Variants in KIAA1549L observed in about 807,000 individuals in gnomAD.
KIAA1549L encodes UPF0606 protein KIAA1549L.
A neutral mutation model predicts 160.7 loss-of-function variants in KIAA1549L; 88 were observed. The ratio of observed to expected loss-of-function variants is 0.55; its 90% CI spans 0.46 to 0.65. KIAA1549L has a LOEUF of 0.65. Ranked by LOEUF, KIAA1549L falls within the 30% of genes least tolerant of loss-of-function variation. KIAA1549L has a pLI of 0.00. For missense variants in KIAA1549L, 2,258 were observed against 2,437.5 expected, an observed-to-expected ratio of 0.93 and a Z score of 1.55; for synonymous variants, 950 against 976.7, an observed-to-expected ratio of 0.97 and a Z score of 0.51.
At chr11:33,407,133 G>A (rs932971062) in intron 1 of KIAA1549L, among the ~76,000 whole-genome samples, 2 of 132,480 alleles carry the variant, frequency 1.5e-5, no homozygotes, top group African/African-American at 2.8e-5. Context: ...CGTCCAGGCT[G>A]GAGTGCAGTG....
rs1013338820 is a variant in KIAA1549L at position 33,419,899 on chromosome 11, TACATAC to T, written c.238+43012_238+43017del. Among the ~76,000 whole-genome samples the T allele has an allele frequency of 3.8e-3, 358 of 94,424 alleles. 3 individuals carry two copies. In the Middle Eastern group the frequency reaches 0.049, roughly 13 times the overall value. 61.9% of individuals were successfully genotyped at this position (94,424 alleles called of 152,430 possible). Reference sequence around the variant, plus strand: ...ATACATACATACATACATACATACATACATACATATATATATATGAATAGCTTTATT... The same window carrying T: ...ATACATACATACATACATACATACATATATATATATATGAATAGCTTTATT... On this transcript the variant is annotated intron_variant, in intron 1 of 20. Coordinates refer to ENST00000658780, the MANE Select transcript of KIAA1549L (RefSeq NM_012194.3).
At chr11:33,384,826 A>G (rs998316335) in intron 1 of KIAA1549L, among the ~76,000 whole-genome samples, 1 of 151,786 alleles carries the variant, frequency 6.6e-6, no homozygotes, top group East Asian at 1.9e-4. Context: ...CTGAGTTTTG[A>G]GCTTTTCTTT....
intron 1 of KIAA1549L, among the ~76,000 whole-genome samples, chr11:33,428,708 C>T (rs373093688): frequency 6.7e-4 from 102 of 152,226 alleles, no homozygotes; most frequent in African/African-American, 2.4e-3. Flanking sequence ...CATTTATGGA[C>T]GTTTGAGTTG....
intron 1 of KIAA1549L, among the ~76,000 whole-genome samples, chr11:33,503,420 T>C (rs918691948): frequency 1.3e-5 from 2 of 152,204 alleles, no homozygotes; most frequent in African/African-American, 4.8e-5. Flanking sequence ...TTGGTGAACA[T>C]GTGTAGTCAT....
intron 15 of KIAA1549L, among the ~76,000 whole-genome samples, chr11:33,612,381 C>G (rs1045082631): frequency 1.3e-5 from 2 of 152,196 alleles, no homozygotes; most frequent in African/African-American, 4.8e-5. Context: ...GAATCATGCT[C>G]TAGTCCAGAG....
chr11:33,565,018 C>T (rs1264197500), intron 8 of KIAA1549L, among the ~76,000 whole-genome samples: 2 of 152,132 alleles, frequency 1.3e-5, no homozygotes, highest in Non-Finnish European at 2.9e-5. Context: ...TGGGGACGTG[C>T]CCAGCTCCTC....
Position 33,543,118 on chromosome 11 carries a change from C to T in KIAA1549L, c.1555C>T (p.Pro519Ser), listed in dbSNP as rs1247379776. ...QPTENHASPS[P>S]VPEMPTLPAE... is the part of the protein sequence containing the mutation. ...CACAGAGAATCATGCCTCCCCATCT[C>T]CTGTGCCAGAAATGCCCACTCTTCC... Residue 519 changes from proline (P) to serine (S), a missense_variant, in exon 2 of 21, where the codon CCT (proline) becomes TCT (serine). Coordinates refer to ENST00000658780, the MANE Select transcript of KIAA1549L (RefSeq NM_012194.3). 1.2e-6 allele frequency: 2 copies of T among 1,613,820 alleles called. No individual in the cohort carries two copies. Among genetic ancestry groups the T allele is most frequent in the Non-Finnish European group, 1.7e-6 (2 of 1,179,914 alleles).
chr11:33,497,802 A>G (rs2133080610), intron 1 of KIAA1549L, among the ~76,000 whole-genome samples: 1 of 152,376 alleles, frequency 6.6e-6, no homozygotes, highest in South Asian at 2.1e-4. Context: ...ATATGTGTAC[A>G]CAAAATAAAA....
At chr11:33,614,580 ATATATT>A (rs1850756387) in intron 15 of KIAA1549L, among the ~76,000 whole-genome samples, 3 of 7,696 alleles carry the variant, frequency 3.9e-4, no homozygotes, top group African/African-American at 9.9e-4. Flanking sequence ...ATATATATAT[ATATATT>A]TTTTTTTTTT....
chr11:33,487,780 T>C (rs1852564404), intron 1 of KIAA1549L, among the ~76,000 whole-genome samples: 1 of 152,128 alleles, frequency 6.6e-6, no homozygotes, highest in Non-Finnish European at 1.5e-5. Context: ...TATAAATGGG[T>C]AGGGTCCAAA....
chr11:33,659,682 C>T (rs1012981441), intron 19 of KIAA1549L, among the ~76,000 whole-genome samples: 2 of 152,160 alleles, frequency 1.3e-5, no homozygotes, highest in Admixed American at 6.5e-5. Context: ...CCAGTGAAGT[C>T]CATTTCTTTT....
chr11:33,387,335 T>C (rs1333092176), intron 1 of KIAA1549L, among the ~76,000 whole-genome samples: 2 of 152,102 alleles, frequency 1.3e-5, no homozygotes, highest in Non-Finnish European at 2.9e-5. Context: ...AGATGGAGTC[T>C]GATTCTGTTG....
chr11:33,660,544 G>A (rs564844858), intron 19 of KIAA1549L, among the ~76,000 whole-genome samples: 12 of 150,354 alleles, frequency 8.0e-5, no homozygotes, highest in Non-Finnish European at 1.2e-4. Flanking sequence ...CAGCCTGGGC[G>A]ACAGAGCGAG....
chr11:33,470,758 G>T (rs1489512812), intron 1 of KIAA1549L, among the ~76,000 whole-genome samples: 1 of 152,158 alleles, frequency 6.6e-6, no homozygotes, highest in Non-Finnish European at 1.5e-5. Context: ...CAGGCCTGTA[G>T]TAAGTTTTAA....
chr11:33,467,406 C>G (rs1852085901), intron 1 of KIAA1549L, among the ~76,000 whole-genome samples: 1 of 152,194 alleles, frequency 6.6e-6, no homozygotes, highest in Non-Finnish European at 1.5e-5. Flanking sequence ...AAAAGCACAT[C>G]CAGCAGAGAG....
intron 15 of KIAA1549L, among the ~76,000 whole-genome samples, chr11:33,618,249 C>G (rs771690460): frequency 1.3e-5 from 2 of 152,124 alleles, no homozygotes; most frequent in Non-Finnish European, 2.9e-5. Flanking sequence ...TTGCCATCAG[C>G]AGAATTTTAA....
intron 1 of KIAA1549L, among the ~76,000 whole-genome samples, chr11:33,447,461 TCCATCC>T (rs1851634825): frequency 1.4e-5 from 2 of 145,234 alleles, no homozygotes; most frequent in Admixed American, 1.4e-4. Flanking sequence ...TGTCTCCACA[TCCATCC>T]ATCCATCCAC....
At chr11:33,448,407 C>G (rs1851658484) in intron 1 of KIAA1549L, among the ~76,000 whole-genome samples, 1 of 152,142 alleles carries the variant, frequency 6.6e-6, no homozygotes. Context: ...CATTTCCTTG[C>G]TGCAGTGGCA....
At chr11:33,657,625 C>T (rs1192818252) in intron 18 of KIAA1549L, among the ~76,000 whole-genome samples, 1 of 151,950 alleles carries the variant, frequency 6.6e-6, no homozygotes, top group Non-Finnish European at 1.5e-5. Flanking sequence ...GGTGAAACCC[C>T]GTCTACACTA....
Sources: allele counts gnomAD v4.1 joint callset (sites outside exome capture counted in the v4.1 genomes callset), GRCh38; gene constraint gnomAD v4.1.1; transcripts MANE v1.5; gene names NCBI Gene and HGNC (gene_info 2026-07-23, HGNC 2026-07-21).